Variants in SAMMSON observed in about 807,000 individuals in gnomAD.
SAMMSON encodes long intergenic non-protein coding RNA 1212.
chr3:70,151,287 TGAG>T (rs1429190225), intron 4 of SAMMSON, among the ~76,000 whole-genome samples: 1 of 152,056 alleles, frequency 6.6e-6, no homozygotes, highest in Non-Finnish European at 1.5e-5. Flanking sequence ...CTCAGACTTC[TGAG>T]GATGGTGTCG....
chr3:70,074,159 C>G (rs191078757), intron 4 of SAMMSON, among the ~76,000 whole-genome samples: 1 of 151,874 alleles, frequency 6.6e-6, no homozygotes, highest in Non-Finnish European at 1.5e-5. Flanking sequence ...TTTGGAATTA[C>G]GTAATTCTTA....
intron 9 of SAMMSON, among the ~76,000 whole-genome samples, chr3:70,360,673 C>T (rs1233089392): frequency 6.6e-6 from 1 of 151,926 alleles, no homozygotes; most frequent in Non-Finnish European, 1.5e-5. Context: ...AAGTTGAATG[C>T]TTAATCATTG....
chr3:70,150,275 T>G (rs2067566377), intron 4 of SAMMSON, among the ~76,000 whole-genome samples: 1 of 152,134 alleles, frequency 6.6e-6, no homozygotes, highest in Non-Finnish European at 1.5e-5. Flanking sequence ...GAATGTCTAA[T>G]GTTTATTCAA....
At chr3:70,430,706 C>T (rs1701406902) in intron 2 of SAMMSON, among the ~76,000 whole-genome samples, 1 of 152,130 alleles carries the variant, frequency 6.6e-6, no homozygotes, top group African/African-American at 2.4e-5. Context: ...AATCGAGTCT[C>T]TACCCACTGG....
intron 4 of SAMMSON, chr3:70,197,060 T>C (rs992543912): frequency 7.5e-6 from 3 of 398,320 alleles, no homozygotes; most frequent in Non-Finnish European, 1.3e-5. Flanking sequence ...TCATCCGAGG[T>C]GTGGTGATAC....
At chr3:70,087,472 T>A (rs768906261) in intron 4 of SAMMSON, among the ~76,000 whole-genome samples, 20 of 152,156 alleles carry the variant, frequency 1.3e-4, no homozygotes, top group Admixed American at 5.2e-4. Flanking sequence ...AGATTCAACC[T>A]TTGAAATGAA....
chr3:70,198,485 C>G (rs576988319), intron 4 of SAMMSON, among the ~76,000 whole-genome samples: 2 of 152,224 alleles, frequency 1.3e-5, no homozygotes, highest in South Asian at 2.1e-4. Flanking sequence ...TGAAAAGGAA[C>G]AAATATTTTA....
intron 9 of SAMMSON, among the ~76,000 whole-genome samples, chr3:70,365,148 C>T (rs1013999738): frequency 1.3e-5 from 2 of 151,642 alleles, no homozygotes; most frequent in Admixed American, 1.3e-4. Flanking sequence ...ATCCTAAAAG[C>T]ACTTTCTTAC....
At chr3:70,125,859 G>T in intron 4 of SAMMSON, 2 of 675,640 alleles carry the variant, frequency 3.0e-6, no homozygotes, top group Non-Finnish European at 5.4e-6. Flanking sequence ...TTTTCTGTTG[G>T]TCCTCATCAT....
At chr3:70,248,030 T>G (rs1476490804) in intron 4 of SAMMSON, among the ~76,000 whole-genome samples, 1 of 152,008 alleles carries the variant, frequency 6.6e-6, no homozygotes, top group Non-Finnish European at 1.5e-5. Flanking sequence ...CTTTGTAGTA[T>G]TTGAAGGGTA....
downstream of SAMMSON, among the ~76,000 whole-genome samples, chr3:70,392,685 C>T (rs1425051075): frequency 2.6e-5 from 4 of 151,980 alleles, no homozygotes; most frequent in East Asian, 1.9e-4. Flanking sequence ...TTTGCGACCC[C>T]GACTAAAAGA....
chr3:70,231,412 C>T (rs1281502121), intron 4 of SAMMSON, among the ~76,000 whole-genome samples: 2 of 152,202 alleles, frequency 1.3e-5, no homozygotes, highest in South Asian at 2.1e-4. Flanking sequence ...CTAAGCTCTA[C>T]CCCCAGAGCT....
chr3:70,221,348 C>T (rs11712898), intron 4 of SAMMSON, among the ~76,000 whole-genome samples: 56,795 of 151,990 alleles, frequency 0.37, 12,751 homozygotes, highest in Non-Finnish European at 0.5. Context: ...AGTTATTATA[C>T]GTTCAATTTT....
intron 7 of SAMMSON, among the ~76,000 whole-genome samples, chr3:70,319,722 T>G (rs1369620652): frequency 6.6e-6 from 1 of 152,082 alleles, no homozygotes; most frequent in African/African-American, 2.4e-5. Flanking sequence ...GAATACAAAT[T>G]TGCTTAAAAG....
chr3:70,163,572 G>A (rs2067625074), intron 4 of SAMMSON, among the ~76,000 whole-genome samples: 1 of 151,806 alleles, frequency 6.6e-6, no homozygotes, highest in South Asian at 2.1e-4. Flanking sequence ...AAAATGCCAG[G>A]TTGGGGTTTT....
chr3:70,233,822 AT>A (rs541332199), intron 4 of SAMMSON, among the ~76,000 whole-genome samples: 21 of 152,148 alleles, frequency 1.4e-4, no homozygotes, highest in African/African-American at 2.2e-4. Context: ...TATCTAAACA[AT>A]TTTTTTTAGC....
chr3:70,172,294 A>G, intron 4 of SAMMSON: 1 of 138,792 alleles, frequency 7.2e-6, no homozygotes, highest in Admixed American at 7.3e-5. Flanking sequence ...TTTTCTTTTT[A>G]AGGTGACAGT....
chr3:70,250,408 AT>A (rs1701749863), intron 6 of SAMMSON, among the ~76,000 whole-genome samples: 1 of 109,996 alleles, frequency 9.1e-6, no homozygotes, highest in Non-Finnish European at 1.8e-5. Context: ...CTTTTAATGA[AT>A]CTCACACACA....
intron 3 of SAMMSON, among the ~76,000 whole-genome samples, chr3:70,052,401 C>T (rs2067150010): frequency 6.6e-6 from 1 of 152,086 alleles, no homozygotes; most frequent in Admixed American, 6.6e-5. Context: ...CCCCTGTTAC[C>T]TCAGCAGCTT....
Sources: allele counts gnomAD v4.1 joint callset (sites outside exome capture counted in the v4.1 genomes callset), GRCh38; gene constraint gnomAD v4.1.1; transcripts MANE v1.5; gene names NCBI Gene and HGNC (gene_info 2026-07-23, HGNC 2026-07-21).